The following CHRM3 variants were observed in gnomAD, a reference collection of about 807,000 sequenced individuals.
CHRM3 encodes the protein muscarinic acetylcholine receptor M3.
A neutral mutation model predicts 41.8 loss-of-function variants in CHRM3; 11 were observed. The ratio of observed to expected loss-of-function variants is 0.26; its 90% CI spans 0.17 to 0.44. The LOEUF (loss-of-function observed/expected upper bound fraction) is 0.44. Among genes scored for constraint, CHRM3 ranks in the 20% least tolerant of loss-of-function variants. CHRM3 has a pLI of 1.00. For synonymous variants in CHRM3, 297 were observed against 301.4 expected (o/e 0.99, Z 0.15); for missense variants, 571 against 745.4 (o/e 0.77, Z 2.72).
In CHRM3 at chr1:239,886,788, G is replaced by A. The variant is rs530314138; in HGVS notation, c.-19-20645G>A. 2.0e-5 allele frequency among the ~76,000 whole-genome samples: 3 copies of A among 152,290 alleles called. No individual in the cohort carries two copies. The South Asian group carries it at 6.2e-4, about 32-fold the overall frequency. ...TATGGTACCATTTGTCACAACGTAT[G>A]CTGTGTTCCAGCCCGGTTCCAAAGA... On this transcript the variant is annotated intron_variant, in intron 6 of 6. Transcript: ENST00000676153.
At chr1:239,730,150 A>C (rs568019077) in intron 5 of CHRM3, among the ~76,000 whole-genome samples, 1 of 152,150 alleles carries the variant, frequency 6.6e-6, no homozygotes, top group South Asian at 2.1e-4. Flanking sequence ...TGTAAATTTA[A>C]AAACTGTATA....
chr1:239,687,893 C>T (rs543308538), intron 5 of CHRM3, among the ~76,000 whole-genome samples: 2 of 152,018 alleles, frequency 1.3e-5, no homozygotes, highest in South Asian at 4.1e-4. Context: ...GTGTGAGTAC[C>T]CTCTATGATG....
chr1:239,768,644 C>T (rs557201318), intron 5 of CHRM3, among the ~76,000 whole-genome samples: 21 of 152,128 alleles, frequency 1.4e-4, no homozygotes, highest in South Asian at 2.1e-4. Context: ...AATCCTTAGA[C>T]GCTGTGGTGA....
Position 239,679,704 on chromosome 1 carries a change from C to A in CHRM3, c.-147+1416C>A, listed in dbSNP as rs188512364. 8.5e-5 allele frequency among the ~76,000 whole-genome samples: 13 copies of A among 152,208 alleles called. No homozygotes were observed. In the East Asian group the frequency reaches 2.5e-3, roughly 29 times the overall value. ...ACTGGTCATCTGCTTGTCAGATCCA[C>A]CTTAGTTCGTTTATTTTATTATTTA... On this transcript the variant is annotated intron_variant, in intron 5 of 6. Coordinates refer to ENST00000676153, the MANE Select transcript of CHRM3 (RefSeq NM_001375978.1).
intron 4 of CHRM3, among the ~76,000 whole-genome samples, chr1:239,650,184 C>T (rs1215222983): frequency 6.6e-6 from 1 of 152,184 alleles, no homozygotes; most frequent in African/African-American, 2.4e-5. Context: ...CTAAGCCCTT[C>T]CTGCCTCCAC....
At chr1:239,473,015 A>T (rs1666230496) in intron 1 of CHRM3, among the ~76,000 whole-genome samples, 1 of 152,206 alleles carries the variant, frequency 6.6e-6, no homozygotes, top group Non-Finnish European at 1.5e-5. Context: ...ATGTGTGACA[A>T]ATTAGCATTT....
chr1:239,571,872 A>G (rs1180126789), intron 3 of CHRM3, among the ~76,000 whole-genome samples: 1 of 152,094 alleles, frequency 6.6e-6, no homozygotes, highest in African/African-American at 2.4e-5. Flanking sequence ...TTTTCCCCCT[A>G]GAGTTCAACC....
intron 6 of CHRM3, among the ~76,000 whole-genome samples, chr1:239,868,262 A>T (rs1676284131): frequency 6.6e-6 from 1 of 152,174 alleles, no homozygotes; most frequent in South Asian, 2.1e-4. Flanking sequence ...ACCTTCGGTG[A>T]CAATGCTGCA....
At chr1:239,879,390 G>T (rs1180794061) in intron 6 of CHRM3, among the ~76,000 whole-genome samples, 1 of 152,226 alleles carries the variant, frequency 6.6e-6, no homozygotes, top group Non-Finnish European at 1.5e-5. Context: ...AGCCTCTGCG[G>T]ATCATTAGAA....
intron 4 of CHRM3, among the ~76,000 whole-genome samples, chr1:239,675,288 T>G (rs1294254613): frequency 6.6e-6 from 1 of 152,220 alleles, no homozygotes; most frequent in Admixed American, 6.5e-5. Flanking sequence ...AAAAATCTTA[T>G]CCAAGCTTGT....
chr1:239,451,365 T>C (rs894213202), intron 1 of CHRM3, among the ~76,000 whole-genome samples: 1 of 152,176 alleles, frequency 6.6e-6, no homozygotes, highest in Non-Finnish European at 1.5e-5. Context: ...TTGCCAAGAA[T>C]TAGTATTTAG....
chr1:239,602,110 G>GTATATATATATATA (rs1186014237), intron 3 of CHRM3, among the ~76,000 whole-genome samples: 23 of 112,826 alleles, frequency 2.0e-4, no homozygotes, highest in African/African-American at 7.9e-4. Flanking sequence ...GTGTGTGTGT[G>GTATATATATATATA]TATATATATA....
intron 5 of CHRM3, among the ~76,000 whole-genome samples, chr1:239,826,220 T>A (rs1340149984): frequency 1.3e-5 from 2 of 152,224 alleles, no homozygotes; most frequent in African/African-American, 2.4e-5. Context: ...TACAATTTTT[T>A]AAAAATCTTT....
chr1:239,849,587 C>G (rs995403167), intron 6 of CHRM3, among the ~76,000 whole-genome samples: 1 of 152,172 alleles, frequency 6.6e-6, no homozygotes, highest in South Asian at 2.1e-4. Context: ...ACAAAAAGAA[C>G]CTATCAAATA....
At chr1:239,718,668 C>T (rs544954485) in intron 5 of CHRM3, 4 of 151,828 alleles carry the variant, frequency 2.6e-5, no homozygotes, top group African/African-American at 9.7e-5. Context: ...CACATAGTGA[C>T]ACTGATTAGT....
intron 6 of CHRM3, among the ~76,000 whole-genome samples, chr1:239,888,939 G>A (rs572729298): frequency 1.3e-5 from 2 of 152,244 alleles, no homozygotes; most frequent in African/African-American, 2.4e-5. Context: ...AACCAAGTAC[G>A]TTGTCATCTC....
chr1:239,544,905 G>A (rs1049625490), intron 2 of CHRM3, among the ~76,000 whole-genome samples: 11 of 152,196 alleles, frequency 7.2e-5, no homozygotes, highest in Admixed American at 5.9e-4. Flanking sequence ...CATGGTCCAC[G>A]TGATATGGTA....
chr1:239,483,605 TA>T (rs1667003524), intron 1 of CHRM3, among the ~76,000 whole-genome samples: 1 of 152,196 alleles, frequency 6.6e-6, no homozygotes, highest in Non-Finnish European at 1.5e-5. Context: ...TTTTCTTTTT[TA>T]ATGAGGAAGT....
intron 3 of CHRM3, among the ~76,000 whole-genome samples, chr1:239,579,579 C>T (rs1258901864): frequency 6.6e-6 from 1 of 152,092 alleles, no homozygotes; most frequent in Non-Finnish European, 1.5e-5. Context: ...CTTGAATAAT[C>T]CCTGCATTCA....
Sources: gnomAD v4.1 joint callset for allele counts (sites outside exome capture counted in the v4.1 genomes callset) on GRCh38, gnomAD v4.1.1 for gene constraint, MANE v1.5 for transcripts, NCBI Gene and HGNC (gene_info 2026-07-23, HGNC 2026-07-21) for gene names.